KCNMA1: variants seen among roughly 807,000 people sequenced by gnomAD.
The protein encoded by KCNMA1 is Calcium-activated potassium channel subunit alpha-1.
KCNMA1 carries 29 observed loss-of-function variants against 140.0 expected under a neutral mutation model. That is an observed-to-expected ratio of 0.21 (90% CI 0.15 to 0.28). KCNMA1 has a LOEUF of 0.28. Among genes scored for constraint, KCNMA1 ranks in the 10% least tolerant of loss-of-function variants. The probability of loss-of-function intolerance (pLI) is 1.00; values close to 1 mark genes in which losing one functional copy is unlikely to be tolerated. For missense variants in KCNMA1, 880 were observed against 1,602.2 expected, an observed-to-expected ratio of 0.55 and a Z score of 7.70; for synonymous variants, 612 against 611.9, an observed-to-expected ratio of 1.00 and a Z score of 0.00.
intron 1 of KCNMA1, among the ~76,000 whole-genome samples, chr10:77,612,177 C>T (rs1274443932): frequency 6.6e-6 from 1 of 152,154 alleles, no homozygotes; most frequent in Non-Finnish European, 1.5e-5. Context: ...TCCTGCAAAT[C>T]CCAAAGATAA....
intron 19 of KCNMA1, among the ~76,000 whole-genome samples, chr10:76,991,087 G>A (rs571204402): frequency 2.0e-5 from 3 of 152,120 alleles, no homozygotes; most frequent in Non-Finnish European, 4.4e-5. Context: ...TCTACATTTG[G>A]GCAGGTTGAT....
chr10:76,931,128 A>G (rs527541883), intron 23 of KCNMA1, among the ~76,000 whole-genome samples: 1 of 152,260 alleles, frequency 6.6e-6, no homozygotes, highest in South Asian at 2.1e-4. Flanking sequence ...TGCAAAAAGA[A>G]TAGATCTTAA....
chr10:77,346,007 C>T (rs760011308), intron 2 of KCNMA1, among the ~76,000 whole-genome samples: 3 of 152,222 alleles, frequency 2.0e-5, no homozygotes, highest in Non-Finnish European at 4.4e-5. Context: ...TGAATACATA[C>T]TCCCTTCCTG....
Position 77,183,145 on chromosome 10 carries a change from A to T in KCNMA1, c.808+276T>A, listed in dbSNP as rs186914608. Among the ~76,000 whole-genome samples, 41 of 152,232 alleles carry T rather than the reference A, an allele frequency of 2.7e-4. No homozygotes were observed. The East Asian group carries it at 3.1e-3, about 11-fold the overall frequency. On this transcript the variant is annotated intron_variant, in intron 5 of 27. Transcript: ENST00000286628. ...AAGTTCCTGAATGAAAAGTGACAGA[A>T]CCATGAACATAAAGGCCCTGGCTGT...
intron 19 of KCNMA1, among the ~76,000 whole-genome samples, chr10:76,978,792 C>G (rs1270476619): frequency 6.6e-6 from 1 of 152,174 alleles, no homozygotes; most frequent in Non-Finnish European, 1.5e-5. Flanking sequence ...ACACCCATGG[C>G]TACAGCTGCT....
chr10:77,024,607 T>C (rs1483123924), intron 16 of KCNMA1, among the ~76,000 whole-genome samples: 1 of 152,102 alleles, frequency 6.6e-6, no homozygotes, highest in Non-Finnish European at 1.5e-5. Flanking sequence ...TCATGCTTCA[T>C]GCAATGTAAA....
intron 1 of KCNMA1, among the ~76,000 whole-genome samples, chr10:77,490,422 G>A (rs963946807): frequency 6.6e-6 from 1 of 152,138 alleles, no homozygotes; most frequent in African/African-American, 2.4e-5. Context: ...TGGCCTTACA[G>A]ACAGCAATGA....
At chr10:77,185,041 T>G (rs1236515093) in intron 3 of KCNMA1, 125 bp from the exon 4 acceptor site, 4 of 734,988 alleles carry the variant, frequency 5.4e-6, no homozygotes, top group African/African-American at 5.2e-5. Flanking sequence ...AAAGAAAACA[T>G]TTGGTCTTTC....
At chr10:77,363,426 C>T (rs936632186) in intron 2 of KCNMA1, among the ~76,000 whole-genome samples, 3 of 152,250 alleles carry the variant, frequency 2.0e-5, no homozygotes, top group Non-Finnish European at 4.4e-5. Context: ...AATGCCACTC[C>T]TGCCTTATGC....
At chr10:77,062,136 T>C (rs1185168475) in intron 14 of KCNMA1, among the ~76,000 whole-genome samples, 2 of 152,222 alleles carry the variant, frequency 1.3e-5, no homozygotes, top group African/African-American at 2.4e-5. Context: ...AAAAATAAAA[T>C]GAAAAACACT....
At chr10:77,541,025 C>T (rs571623035) in intron 1 of KCNMA1, among the ~76,000 whole-genome samples, 2 of 149,330 alleles carry the variant, frequency 1.3e-5, no homozygotes, top group Non-Finnish European at 1.5e-5. Context: ...AGAGTAATCA[C>T]TAGGAGAACA....
At chr10:77,022,819 C>A in intron 16 of KCNMA1, 1 of 247,752 alleles carries the variant, frequency 4.0e-6, no homozygotes, top group South Asian at 3.6e-5. Flanking sequence ...ATCAGTCAGG[C>A]CGATTAAAGG....
At chr10:77,390,276 C>T (rs1051919824) in intron 2 of KCNMA1, among the ~76,000 whole-genome samples, 1 of 152,208 alleles carries the variant, frequency 6.6e-6, no homozygotes, top group African/African-American at 2.4e-5. Flanking sequence ...CTGATTGCAG[C>T]TCCTCAGATA....
At chr10:77,609,717 T>C (rs1353497146) in intron 1 of KCNMA1, among the ~76,000 whole-genome samples, 1 of 151,914 alleles carries the variant, frequency 6.6e-6, no homozygotes, top group African/African-American at 2.4e-5. Context: ...AATTTTTATT[T>C]ATCCAGAGAA....
At chr10:77,018,936 G>T in intron 17 of KCNMA1, 77 bp downstream of exon 17, 1 of 825,652 alleles carries the variant, frequency 1.2e-6, no homozygotes, top group Non-Finnish European at 2.1e-6. Flanking sequence ...TTGGGGTTAT[G>T]GAAGCCTGCC....
chr10:77,160,883 T>C (rs2098546907), intron 5 of KCNMA1, among the ~76,000 whole-genome samples: 1 of 152,226 alleles, frequency 6.6e-6, no homozygotes, highest in Non-Finnish European at 1.5e-5. Flanking sequence ...AAATTAAGAA[T>C]TGAATTGATT....
At chr10:77,468,825 T>C (rs1030068567) in intron 1 of KCNMA1, among the ~76,000 whole-genome samples, 3 of 152,202 alleles carry the variant, frequency 2.0e-5, no homozygotes, top group Non-Finnish European at 4.4e-5. Flanking sequence ...AGAGATGTGT[T>C]GAGTACCCAG....
chr10:76,981,477 G>A (rs1386457981), intron 19 of KCNMA1, among the ~76,000 whole-genome samples: 1 of 152,122 alleles, frequency 6.6e-6, no homozygotes. Flanking sequence ...GGAAATTCAC[G>A]CCGTCTGATT....
chr10:77,199,083 TC>T (rs1787957358), intron 3 of KCNMA1, among the ~76,000 whole-genome samples: 1 of 152,130 alleles, frequency 6.6e-6, no homozygotes, highest in Non-Finnish European at 1.5e-5. Context: ...ACAGGATTCC[TC>T]CCGACACTAC....
Sources: gnomAD v4.1 joint callset for allele counts (sites outside exome capture counted in the v4.1 genomes callset) on GRCh38, gnomAD v4.1.1 for gene constraint, MANE v1.5 for transcripts, NCBI Gene and HGNC (gene_info 2026-07-23, HGNC 2026-07-21) for gene names.